Variants in ADK observed in about 807,000 individuals in gnomAD.
ADK encodes the protein adenosine kinase.
In ADK, 24 loss-of-function variants were observed where a neutral mutation model predicts 44.7. The ratio of observed to expected loss-of-function variants is 0.54; its 90% CI spans 0.39 to 0.76. The LOEUF (loss-of-function observed/expected upper bound fraction) is 0.76, where lower values mean the gene tolerates loss of function less well. ADK is among the 30% of genes least tolerant of loss of function. The pLI is 0.00. For missense variants in ADK, 321 were observed against 425.1 expected (o/e 0.76, Z 2.15); for synonymous variants, 128 against 142.6 (o/e 0.90, Z 0.73).
At chr10:74,595,692 G>T (rs1479892729) in intron 8 of ADK, among the ~76,000 whole-genome samples, 1 of 24 alleles carries the variant, frequency 0.042, no homozygotes, top group Non-Finnish European at 0.12. Flanking sequence ...CAGTTCAACA[G>T]ATTAAAAAAA....
chr10:74,669,166 G>A (rs1855080452), intron 9 of ADK, among the ~76,000 whole-genome samples: 1 of 152,154 alleles, frequency 6.6e-6, no homozygotes, highest in African/African-American at 2.4e-5. Flanking sequence ...ATTAAGAGCA[G>A]GTAGCAAAAG....
At chr10:74,652,233 A>G (rs1306046745) in intron 9 of ADK, among the ~76,000 whole-genome samples, 20 of 151,384 alleles carry the variant, frequency 1.3e-4, no homozygotes, top group Non-Finnish European at 4.4e-5. Context: ...TAGTGGAGAC[A>G]GGGTTCCACC....
chr10:74,497,989 A>G (rs573275034), intron 6 of ADK, among the ~76,000 whole-genome samples: 5 of 151,612 alleles, frequency 3.3e-5, no homozygotes, highest in Non-Finnish European at 7.4e-5. Flanking sequence ...TCCCGGGTTC[A>G]TGCCATTCTC....
At chr10:74,384,184 A>C (rs1843066216) in intron 4 of ADK, among the ~76,000 whole-genome samples, 1 of 152,162 alleles carries the variant, frequency 6.6e-6, no homozygotes, top group East Asian at 1.9e-4. Context: ...AGAAGATACA[A>C]TCCTGGCTTT....
intron 3 of ADK, among the ~76,000 whole-genome samples, chr10:74,297,903 A>G (rs139422356): frequency 6.6e-6 from 1 of 152,302 alleles, no homozygotes; most frequent in African/African-American, 2.4e-5. Context: ...GCTGCTTGGC[A>G]TACTACACAT....
intron 10 of ADK, among the ~76,000 whole-genome samples, chr10:74,671,395 G>A (rs867482774): frequency 1.1e-4 from 17 of 151,904 alleles, no homozygotes; most frequent in Admixed American, 2.6e-4. Context: ...ACGGGGTTTC[G>A]CCATGTTGGG....
chr10:74,504,805 G>A (rs1016006297), intron 6 of ADK, among the ~76,000 whole-genome samples: 1 of 151,916 alleles, frequency 6.6e-6, no homozygotes, highest in Admixed American at 6.6e-5. Context: ...GCCCTCTCTC[G>A]CCTGCTGCCA....
intron 2 of ADK, among the ~76,000 whole-genome samples, chr10:74,207,592 G>A (rs141794846): frequency 1.5e-3 from 229 of 152,320 alleles, no homozygotes; most frequent in Non-Finnish European, 2.7e-3. Flanking sequence ...ATGAGACCCC[G>A]AGGGGGTAAC....
intron 6 of ADK, among the ~76,000 whole-genome samples, chr10:74,398,997 A>G (rs1264435094): frequency 6.6e-6 from 1 of 152,060 alleles, no homozygotes; most frequent in Non-Finnish European, 1.5e-5. Context: ...CTTAATTGCT[A>G]TTTATTCCAT....
chr10:74,695,619 GGT>G (rs749294668), intron 10 of ADK, among the ~76,000 whole-genome samples: 2,914 of 89,976 alleles, frequency 0.032, 28 homozygotes, highest in Non-Finnish European at 0.04. Context: ...GTATGTGTGG[GGT>G]GTGTGTGTGT....
intron 1 of ADK, among the ~76,000 whole-genome samples, chr10:74,169,694 T>G (rs1842112662): frequency 6.6e-6 from 1 of 152,226 alleles, no homozygotes; most frequent in African/African-American, 2.4e-5. Flanking sequence ...CATAATAGCA[T>G]TCTTACAATG....
chr10:74,315,590 T>A (rs1840590775), intron 4 of ADK, among the ~76,000 whole-genome samples: 2 of 142,586 alleles, frequency 1.4e-5, no homozygotes, highest in Admixed American at 1.5e-4. Context: ...TTCTGCTCAT[T>A]GCAATCATGT....
chr10:74,271,158 CAT>C (rs1372383601), intron 3 of ADK, among the ~76,000 whole-genome samples: 1 of 152,048 alleles, frequency 6.6e-6, no homozygotes, highest in African/African-American at 2.4e-5. Context: ...CTTAGTATAA[CAT>C]ATATTCACCT....
intron 6 of ADK, among the ~76,000 whole-genome samples, chr10:74,501,595 G>A (rs1044853388): frequency 3.9e-5 from 6 of 152,000 alleles, no homozygotes; most frequent in African/African-American, 1.4e-4. Context: ...CAAAAAAATT[G>A]TTATGGAAAC....
rs182361518 is a variant in ADK, at chr10:74,379,671, G to A, written c.274-14470G>A. Among the ~76,000 whole-genome samples the A allele has an allele frequency of 1.2e-4, 19 of 152,196 alleles. No individual in the cohort carries two copies. In the East Asian group the frequency reaches 2.5e-3, roughly 20 times the overall value. On this transcript the variant is annotated intron_variant, in intron 4 of 10. Coordinates refer to ENST00000539909, the MANE Select transcript of ADK (RefSeq NM_006721.4). ...CTCCCTCTGGAAACTTCCCCTAACCGTAAGGTCACTCTTTACCCAATCAGC... is the reference window on the plus strand; with the variant it reads ...CTCCCTCTGGAAACTTCCCCTAACCATAAGGTCACTCTTTACCCAATCAGC...
intron 6 of ADK, among the ~76,000 whole-genome samples, chr10:74,512,473 G>A (rs1848377491): frequency 6.9e-6 from 1 of 145,414 alleles, no homozygotes; most frequent in African/African-American, 2.5e-5. Flanking sequence ...TCATTGGTCT[G>A]TTTAGGCTTT....
rs71475261 is a variant in ADK at position 74,177,943 on chromosome 10, A to AT, written c.66-22820dup. Among the ~76,000 whole-genome samples the AT allele has an allele frequency of 9.5e-3, 539 of 56,832 alleles. 4 individuals are homozygous for AT. Among genetic ancestry groups the AT allele is most frequent in the Middle Eastern group, 0.045 (3 of 66 alleles). The allele number at this position is 56,832 out of a possible 152,430, so 37.3% of individuals were successfully genotyped here. ...CATAATTATATATATATATATATAT[A>AT]TATTTTTTTTTTTTTGAGACAGAGT... On this transcript the variant is annotated intron_variant, in intron 1 of 10. Transcript: ENST00000539909.
rs1840066046 is a variant in ADK, at chr10:74,302,105, GTTTGTTT to G, written c.195-12558_195-12552del. Among the ~76,000 whole-genome samples, 25 of 88,906 alleles carry G rather than the reference GTTTGTTT, an allele frequency of 2.8e-4. 1 individual carries two copies. Among genetic ancestry groups the G allele is most frequent in the African/African-American group, 6.9e-4 (13 of 18,842 alleles). The allele number at this position is 88,906 out of a possible 152,430, so 58.3% of individuals were successfully genotyped here. On this transcript the variant is annotated intron_variant, in intron 3 of 10. Transcript: ENST00000539909. ...TTTCTTTTCTGTTTTTTTTTTGTTT[GTTTGTTT>G]TTTTTTTTTTTTTTTTTTTTTTTTT...
At chr10:74,247,355 C>T (rs1845464705) in intron 3 of ADK, among the ~76,000 whole-genome samples, 1 of 151,334 alleles carries the variant, frequency 6.6e-6, no homozygotes, top group African/African-American at 2.4e-5. Flanking sequence ...CCTCCCACCT[C>T]AGCCTCCTGA....
Sources: gnomAD v4.1 joint callset for allele counts (sites outside exome capture counted in the v4.1 genomes callset) on GRCh38, gnomAD v4.1.1 for gene constraint, MANE v1.5 for transcripts, NCBI Gene and HGNC (gene_info 2026-07-23, HGNC 2026-07-21) for gene names.